DEPDC5: variants seen among roughly 807,000 people sequenced by gnomAD.
The protein encoded by DEPDC5 is GATOR1 complex protein DEPDC5.
Under a neutral mutation model 217.3 loss-of-function variants are expected in DEPDC5, and 73 were observed. The ratio of observed to expected loss-of-function variants is 0.34; its 90% CI spans 0.28 to 0.41. The LOEUF (loss-of-function observed/expected upper bound fraction) is 0.41, where lower values mean the gene tolerates loss of function less well. Among genes scored for constraint, DEPDC5 ranks in the 10% least tolerant of loss-of-function variants. The pLI, the probability that DEPDC5 is intolerant of heterozygous loss-of-function variation, is 1.00. For synonymous variants in DEPDC5, 733 were observed against 756.7 expected (o/e 0.97, Z 0.51); for missense variants, 1,675 against 2,070.1 (o/e 0.81, Z 3.70).
intron 10 of DEPDC5, among the ~76,000 whole-genome samples, chr22:31,790,544 G>A (rs1179925622): frequency 6.6e-6 from 1 of 152,116 alleles, no homozygotes; most frequent in Non-Finnish European, 1.5e-5. Context: ...AGACTAGTAG[G>A]GTGTGGGAGT....
Position 31,806,112 on chromosome 22 carries a change from T to G in DEPDC5, c.1218-10T>G. 3 of 1,609,040 alleles carry G rather than the reference T, an allele frequency of 1.9e-6. No homozygotes were observed. Among genetic ancestry groups the G allele is most frequent in the Non-Finnish European group, 2.5e-6 (3 of 1,177,198 alleles). ...ATTTAGATTAATGACTCTGTTTGTTTCTTTTACAGTTTCTACACATCCAAA... is the reference window on the plus strand; with the variant it reads ...ATTTAGATTAATGACTCTGTTTGTTGCTTTTACAGTTTCTACACATCCAAA... On this transcript the variant is annotated splice_polypyrimidine_tract_variant and intron_variant, in intron 17 of 42. Coordinates refer to ENST00000651528, the MANE Select transcript of DEPDC5 (RefSeq NM_001242896.3).
intron 20 of DEPDC5, among the ~76,000 whole-genome samples, chr22:31,813,586 C>G (rs1463601386): frequency 6.6e-6 from 1 of 152,018 alleles, no homozygotes; most frequent in African/African-American, 2.4e-5. Context: ...TCGTTCTGAG[C>G]TTTTGCTTCT....
At chr22:31,800,642 T>A (rs2086769008) in intron 14 of DEPDC5, among the ~76,000 whole-genome samples, 1 of 151,944 alleles carries the variant, frequency 6.6e-6, no homozygotes, top group South Asian at 2.1e-4. Context: ...AAATAAGAAT[T>A]AAAATAAAAA....
intron 21 of DEPDC5, chr22:31,817,002 C>G (rs1373116628): frequency 6.5e-6 from 1 of 153,080 alleles, no homozygotes; most frequent in Non-Finnish European, 1.5e-5. Context: ...TGGCCACTGA[C>G]CCCGTGTGCA....
At chr22:31,770,070 A>AG (rs1302334174) in intron 7 of DEPDC5, among the ~76,000 whole-genome samples, 3 of 147,456 alleles carry the variant, frequency 2.0e-5, no homozygotes, top group Non-Finnish European at 3.0e-5. Context: ...TAAAAAAAAG[A>AG]GAAAAAAAAA....
At chr22:31,829,977 A>C (rs2090465014) in intron 24 of DEPDC5, among the ~76,000 whole-genome samples, 1 of 152,242 alleles carries the variant, frequency 6.6e-6, no homozygotes, top group African/African-American at 2.4e-5. Flanking sequence ...TAGAATCTGC[A>C]ACTTGATATT....
intron 35 of DEPDC5, 184 bp from the exon 36 acceptor site, chr22:31,874,089 G>A: frequency 2.1e-6 from 2 of 950,128 alleles, no homozygotes; most frequent in Non-Finnish European, 3.0e-6. Flanking sequence ...GACCACGCTG[G>A]GCCCCCGGTA....
chr22:31,778,684 C>T (rs1001856478), intron 8 of DEPDC5, among the ~76,000 whole-genome samples: 2 of 152,118 alleles, frequency 1.3e-5, no homozygotes, highest in African/African-American at 4.8e-5. Flanking sequence ...CTGCATTATG[C>T]CATGCCCACT....
chr22:31,895,143 C>CA (rs56247667), intron 39 of DEPDC5, among the ~76,000 whole-genome samples: 1,771 of 56,650 alleles, frequency 0.031, 27 homozygotes, highest in African/African-American at 0.05. Flanking sequence ...GAATCCGTCT[C>CA]AAAAAAAAAA....
chr22:31,848,602 A>G (rs1281282489), intron 31 of DEPDC5, among the ~76,000 whole-genome samples: 1 of 152,062 alleles, frequency 6.6e-6, no homozygotes, highest in Non-Finnish European at 1.5e-5. Context: ...GGCCAGGCCC[A>G]GGAAACCAAT....
intron 33 of DEPDC5, among the ~76,000 whole-genome samples, chr22:31,870,050 G>C (rs1467351179): frequency 6.6e-6 from 1 of 152,232 alleles, no homozygotes; most frequent in African/African-American, 2.4e-5. Context: ...AGAGCTATCA[G>C]ATGGCTCTGA....
At chr22:31,829,653 A>ACATGATTCATATGTGAAT (rs1466296131) in intron 24 of DEPDC5, among the ~76,000 whole-genome samples, 1 of 152,032 alleles carries the variant, frequency 6.6e-6, no homozygotes, top group Non-Finnish European at 1.5e-5. Context: ...CTGCATTTGG[A>ACATGATTCATATGTGAAT]CATGATTCAT....
intron 10 of DEPDC5, among the ~76,000 whole-genome samples, chr22:31,789,765 C>CT (rs1001026900): frequency 1.6e-3 from 224 of 144,500 alleles, no homozygotes; most frequent in African/African-American, 2.8e-3. Context: ...CATCAGCTTG[C>CT]TTTTTTTTTT....
intron 24 of DEPDC5, among the ~76,000 whole-genome samples, chr22:31,830,576 A>G (rs1258492665): frequency 1.3e-5 from 2 of 152,054 alleles, no homozygotes; most frequent in Non-Finnish European, 2.9e-5. Flanking sequence ...GCTTAAAAGC[A>G]TAATAGCTTC....
At chr22:31,781,835 G>A (rs138285) in intron 8 of DEPDC5, among the ~76,000 whole-genome samples, 2 of 151,856 alleles carry the variant, frequency 1.3e-5, no homozygotes, top group African/African-American at 4.8e-5. Context: ...AGGAGATTGA[G>A]ACCAGCCAGG....
chr22:31,777,270 T>G (rs565555739), intron 7 of DEPDC5, among the ~76,000 whole-genome samples: 12 of 150,004 alleles, frequency 8.0e-5, no homozygotes, highest in Admixed American at 4.7e-4. Context: ...CTAAGTTTTT[T>G]TTTTTTTTTT....
intron 20 of DEPDC5, among the ~76,000 whole-genome samples, chr22:31,812,007 GA>G (rs2088420087): frequency 6.8e-6 from 1 of 146,928 alleles, no homozygotes; most frequent in African/African-American, 2.5e-5. Flanking sequence ...TTTTTTTTTC[GA>G]GATGGCGTCT....
chr22:31,772,003 G>C (rs200852534), intron 7 of DEPDC5, among the ~76,000 whole-genome samples: 15 of 152,110 alleles, frequency 9.9e-5, no homozygotes, highest in East Asian at 5.8e-4. Context: ...GAGGTTCAAG[G>C]CTGTAGTGAG....
intron 12 of DEPDC5, 127 bp downstream of exon 12, chr22:31,792,944 C>A: frequency 1.4e-6 from 1 of 698,172 alleles, no homozygotes. Context: ...AAATTCGCCT[C>A]TTGTGGTCCC....
Sources: gnomAD v4.1 joint callset for allele counts (sites outside exome capture counted in the v4.1 genomes callset) on GRCh38, gnomAD v4.1.1 for gene constraint, MANE v1.5 for transcripts, NCBI Gene and HGNC (gene_info 2026-07-23, HGNC 2026-07-21) for gene names.